FBXO11: variants seen among roughly 807,000 people sequenced by gnomAD.
FBXO11 encodes F-box only protein 11.
FBXO11 carries 13 observed loss-of-function variants against 117.0 expected under a neutral mutation model. That is an observed-to-expected ratio of 0.11 (90% CI 0.07 to 0.18). The LOEUF (loss-of-function observed/expected upper bound fraction) is 0.18. Ranked by LOEUF, FBXO11 falls within the 10% of genes least tolerant of loss-of-function variation. FBXO11 has a pLI of 1.00. For synonymous variants in FBXO11, 490 were observed against 380.5 expected, an observed-to-expected ratio of 1.29 and a Z score of -3.35; for missense variants, 767 against 1,164.4, an observed-to-expected ratio of 0.66 and a Z score of 4.97.
At chr2:47,843,945 T>G (rs1337968792) in intron 1 of FBXO11, among the ~76,000 whole-genome samples, 1 of 152,134 alleles carries the variant, frequency 6.6e-6, no homozygotes, top group Non-Finnish European at 1.5e-5. Context: ...TTCACTATGT[T>G]GGCCAGGATG....
chr2:47,813,076 A>G lies in FBXO11; in HGVS notation c.2227+158T>C, dbSNP rs1455215869. 8 of 759,850 alleles carry G rather than the reference A, an allele frequency of 1.1e-5. No homozygotes were observed. The East Asian group carries it at 1.8e-4, about 17-fold the overall frequency. 47.1% of individuals were successfully genotyped at this position (759,850 alleles called of 1,614,324 possible). ...AAGTATTGTAAACATTTGTCTCTTA[A>G]CTCTAGGCACTAATCTCCTAAACCA... On this transcript the variant is annotated intron_variant, in intron 18 of 22. Coordinates refer to ENST00000403359, the MANE Select transcript of FBXO11 (RefSeq NM_001190274.2).
intron 1 of FBXO11, among the ~76,000 whole-genome samples, chr2:47,842,021 A>ATTT (rs751568731): frequency 7.1e-6 from 1 of 140,932 alleles, no homozygotes. Flanking sequence ...TTTTATTTTT[A>ATTT]TTTTTTTTTT....
intron 1 of FBXO11, among the ~76,000 whole-genome samples, chr2:47,851,082 T>C (rs559516790): frequency 1.3e-5 from 2 of 152,342 alleles, no homozygotes; most frequent in East Asian, 3.9e-4. Context: ...AGTGTTTATG[T>C]CCAAGGAGAA....
intron 21 of FBXO11, 70 bp from the exon 22 acceptor site, chr2:47,808,497 ATATTAC>A: frequency 8.9e-7 from 1 of 1,122,798 alleles, no homozygotes. Flanking sequence ...TTCTGTTTAT[ATATTAC>A]TATGACCTTT....
chr2:47,906,467 G>A lies in FBXO11; in HGVS notation c.-747C>T, dbSNP rs1177715108. Among the ~76,000 whole-genome samples, 1 of 151,786 alleles carries A rather than the reference G, an allele frequency of 6.6e-6. No homozygotes were observed. Among genetic ancestry groups the A allele is most frequent in the Non-Finnish European group, 1.5e-5 (1 of 67,956 alleles). On this transcript the variant is annotated 5_prime_UTR_variant, in exon 1 of 23. Transcript: ENST00000403359. ...CTGCTGCTGCTCCGTGGCAGGAGGA[G>A]CCATTGACACCGCCGGAGCCTCCAC...
At chr2:47,882,281 G>C (rs1395913186) in intron 1 of FBXO11, among the ~76,000 whole-genome samples, 1 of 152,120 alleles carries the variant, frequency 6.6e-6, no homozygotes, top group Non-Finnish European at 1.5e-5. Flanking sequence ...GAATGTTGTG[G>C]AGAATTCTAA....
chr2:47,857,778 A>C (rs1674426804), intron 1 of FBXO11, among the ~76,000 whole-genome samples: 1 of 152,208 alleles, frequency 6.6e-6, no homozygotes, highest in Admixed American at 6.5e-5. Flanking sequence ...ATGAATATAC[A>C]AAACTGGCAG....
chr2:47,832,567 A>T lies in FBXO11; in HGVS notation c.1260+5T>A, dbSNP rs1672276001. 1 of 1,608,392 alleles carries T rather than the reference A, an allele frequency of 6.2e-7. No homozygotes were observed. The highest frequency in any genetic ancestry group is 8.5e-7 in the Non-Finnish European group (1 of 1,178,132). ...AGAAAAAAACCACACAAAATTAAAA[A>T]ATACCTGTGCATGATCTGTTATATA... On this transcript the variant is annotated splice_donor_5th_base_variant and intron_variant, in intron 10 of 22. Transcript: ENST00000403359.
chr2:47,826,121 C>T lies in FBXO11; in HGVS notation c.1399-2761G>A, dbSNP rs147350476. Reference sequence around the variant, plus strand: ...TCACCCAGGCTTGAGTGCAGTGGCACGATCTCGGCTCACTGCAACCTCCAT... The same window carrying T: ...TCACCCAGGCTTGAGTGCAGTGGCATGATCTCGGCTCACTGCAACCTCCAT... On this transcript the variant is annotated intron_variant, in intron 11 of 22. Coordinates refer to ENST00000403359, the MANE Select transcript of FBXO11 (RefSeq NM_001190274.2). Among the ~76,000 whole-genome samples, 984 of 152,146 alleles carry T rather than the reference C, an allele frequency of 6.5e-3. 7 individuals are homozygous for T. Among genetic ancestry groups the T allele is most frequent in the Middle Eastern group, 0.024 (7 of 292 alleles).
Position 47,905,611 on chromosome 2 carries a change from TGGGGCGGCTGCGGCGGCGGCTGCTGCG to T in FBXO11, c.83_109del (p.Pro28_Pro36del), listed in dbSNP as rs749016715. 82 of 1,356,180 alleles carry T rather than the reference TGGGGCGGCTGCGGCGGCGGCTGCTGCG, an allele frequency of 6.0e-5. No homozygotes were observed. In the African/African-American group the frequency reaches 7.1e-4, roughly 12 times the overall value. The allele number at this position is 1,356,180 out of a possible 1,614,324, so 84.0% of individuals were successfully genotyped here. ...AGGCTGCTGCTGGGGCGGCTGCTGC[TGGGGCGGCTGCGGCGGCGGCTGCTGCG>T]GGGGCTGCTGCTGCTGTTGCTGCAC... On this transcript the variant is annotated inframe_deletion, in exon 1 of 23. Coordinates refer to ENST00000403359, the MANE Select transcript of FBXO11 (RefSeq NM_001190274.2).
chr2:47,856,951 G>A (rs1432536310), intron 1 of FBXO11, among the ~76,000 whole-genome samples: 1 of 152,138 alleles, frequency 6.6e-6, no homozygotes, highest in East Asian at 1.9e-4. Flanking sequence ...GGGATGAGTT[G>A]GATGGTAAGA....
At chr2:47,834,925 T>C in intron 5 of FBXO11, 54 bp from the exon 6 acceptor site, 2 of 1,260,056 alleles carry the variant, frequency 1.6e-6, no homozygotes, top group Non-Finnish European at 2.3e-6. Context: ...AACCTTATAT[T>C]TAAATTAATG....
chr2:47,873,251 G>T (rs1457356936), intron 1 of FBXO11, among the ~76,000 whole-genome samples: 1 of 152,152 alleles, frequency 6.6e-6, no homozygotes, highest in Non-Finnish European at 1.5e-5. Flanking sequence ...CAACATTTTA[G>T]GTTTGAAGGC....
intron 21 of FBXO11, 124 bp from the exon 22 acceptor site, chr2:47,808,551 C>T (rs1424676560): frequency 4.2e-6 from 3 of 714,522 alleles, no homozygotes; most frequent in Non-Finnish European, 6.5e-6. Flanking sequence ...TTTGTGGCTC[C>T]AGCCCAGATT....
intron 1 of FBXO11, among the ~76,000 whole-genome samples, chr2:47,875,106 T>C (rs1250719255): frequency 6.6e-6 from 1 of 152,134 alleles, no homozygotes; most frequent in East Asian, 1.9e-4. Context: ...CAGCAATATC[T>C]AATATAACTT....
At chr2:47,883,500 C>T (rs894474408) in intron 1 of FBXO11, 4 of 408,424 alleles carry the variant, frequency 9.8e-6, no homozygotes, top group African/African-American at 8.2e-5. Context: ...CATCACCCTC[C>T]AGATTGAACC....
chr2:47,902,932 AC>A (rs1206326362), intron 1 of FBXO11, among the ~76,000 whole-genome samples: 2 of 151,700 alleles, frequency 1.3e-5, no homozygotes, highest in African/African-American at 2.4e-5. Context: ...AAAAAAAAAA[AC>A]AAAAACCACA....
At chr2:47,813,150 A>T in intron 18 of FBXO11, 84 bp downstream of exon 18, 2 of 1,320,980 alleles carry the variant, frequency 1.5e-6, no homozygotes, top group Non-Finnish European at 2.2e-6. Flanking sequence ...TTTATAACTT[A>T]GTTAGCAATG....
intron 1 of FBXO11, among the ~76,000 whole-genome samples, chr2:47,896,544 G>GGTCTC (rs1042356647): frequency 2.0e-5 from 3 of 152,056 alleles, no homozygotes; most frequent in Non-Finnish European, 4.4e-5. Flanking sequence ...TGCCCAGGCA[G>GGTCTC]GTCTCAAACT....
Sources: allele counts gnomAD v4.1 joint callset (sites outside exome capture counted in the v4.1 genomes callset), GRCh38; gene constraint gnomAD v4.1.1; transcripts MANE v1.5; gene names NCBI Gene and HGNC (gene_info 2026-07-23, HGNC 2026-07-21).